The following RAPGEF1 variants were observed in gnomAD, a reference collection of about 807,000 sequenced individuals.
The protein encoded by RAPGEF1 is Rap guanine nucleotide exchange factor 1.
A neutral mutation model predicts 143.3 loss-of-function variants in RAPGEF1; 33 were observed. The observed-to-expected ratio is 0.23, with a 90% confidence interval of 0.17 to 0.31. The LOEUF is 0.31. Ranked by LOEUF, RAPGEF1 falls within the 10% of genes least tolerant of loss-of-function variation. The probability of loss-of-function intolerance (pLI) is 1.00; values close to 1 mark genes in which losing one functional copy is unlikely to be tolerated. For synonymous variants in RAPGEF1, 629 were observed against 676.5 expected (o/e 0.93, Z 1.09); for missense variants, 1,199 against 1,645.4 (o/e 0.73, Z 4.69).
At chr9:131,603,874 C>T (rs1293283827) in intron 14 of RAPGEF1, 87 bp downstream of exon 14, 7 of 761,134 alleles carry the variant, frequency 9.2e-6, no homozygotes, top group Non-Finnish European at 1.1e-5. Context: ...CCAACAGAAG[C>T]AGGTGCGGGG....
At chr9:131,731,239 C>G (rs754056667) in intron 1 of RAPGEF1, among the ~76,000 whole-genome samples, 1 of 152,088 alleles carries the variant, frequency 6.6e-6, no homozygotes, top group African/African-American at 2.4e-5. Flanking sequence ...TATACAGAAG[C>G]GAGCCTGGTA....
In RAPGEF1 at chr9:131,588,788, G is replaced by T. The variant is rs766498099; in HGVS notation, c.3053+13C>A. On this transcript the variant is annotated intron_variant, in intron 20 of 26. Transcript: ENST00000683357. ...CTGGGGAAGAGGCAGGGCTGGAGAG[G>T]TGGGCTTCTCACCTGGCTGCTACCC... The T allele has an allele frequency of 1.9e-6, 3 of 1,605,510 alleles. No individual in the cohort carries two copies. The African/African-American group carries it at 4.0e-5, about 21-fold the overall frequency.
chr9:131,669,970 A>T (rs1412200563), intron 1 of RAPGEF1, among the ~76,000 whole-genome samples: 1 of 152,198 alleles, frequency 6.6e-6, no homozygotes, highest in Non-Finnish European at 1.5e-5. Context: ...CACAGCAATG[A>T]CTAGGACCAC....
chr9:131,587,807 T>G lies in RAPGEF1; in HGVS notation c.3162A>C (p.Ala1054=), dbSNP rs371150383. ...KIEIPEVLLW[A]KEQNEEKSPN... is the part of the protein sequence containing the mutation. ...GGCTCTTCTCCTCATTCTGCTCTTTTGCCCAAAGCAAAACCTCAGGAATCT... is the reference window on the plus strand; with the variant it reads ...GGCTCTTCTCCTCATTCTGCTCTTTGGCCCAAAGCAAAACCTCAGGAATCT... Residue 1054 remains alanine, a synonymous_variant, in exon 22 of 27, where the codon GCA becomes GCC. Transcript: ENST00000683357. 54 of 1,613,716 alleles carry G rather than the reference T, an allele frequency of 3.3e-5. No individual in the cohort carries two copies. The highest frequency in any genetic ancestry group is 4.1e-5 in the Non-Finnish European group (48 of 1,179,822).
intron 1 of RAPGEF1, among the ~76,000 whole-genome samples, chr9:131,729,417 T>C (rs1368008790): frequency 6.6e-6 from 1 of 152,078 alleles, no homozygotes; most frequent in Non-Finnish European, 1.5e-5. Flanking sequence ...CTGTGAAAGG[T>C]TTCTCCAAAG....
intron 21 of RAPGEF1, 23 bp downstream of exon 21, chr9:131,587,919 C>T (rs1442205175): frequency 6.2e-7 from 1 of 1,604,834 alleles, no homozygotes; most frequent in Non-Finnish European, 8.5e-7. Context: ...AGTGTGGCTC[C>T]CCCTGGCAGG....
chr9:131,665,667 G>A (rs1830315432), intron 1 of RAPGEF1, among the ~76,000 whole-genome samples: 2 of 152,018 alleles, frequency 1.3e-5, no homozygotes, highest in South Asian at 4.1e-4. Context: ...CCCCACCTCT[G>A]AGAGTAAGCC....
intron 10 of RAPGEF1, among the ~76,000 whole-genome samples, chr9:131,625,332 A>C (rs1962633488): frequency 6.6e-6 from 1 of 152,194 alleles, no homozygotes; most frequent in African/African-American, 2.4e-5. Context: ...TTTATGACAG[A>C]TTTACCGTTG....
At chr9:131,596,254 G>A (rs749776508) in intron 17 of RAPGEF1, 44 bp downstream of exon 17, 16 of 1,593,426 alleles carry the variant, frequency 1.0e-5, no homozygotes, top group East Asian at 4.5e-5. Context: ...AGTGGCACCC[G>A]GGGCAGGACC....
rs1036768753 is a variant in RAPGEF1 at position 131,630,198 on chromosome 9, G to C, written c.740+38C>G. On this transcript the variant is annotated intron_variant, in intron 6 of 26. Coordinates refer to ENST00000683357, the MANE Select transcript of RAPGEF1 (RefSeq NM_001377935.1). The stretch of plus-strand genomic sequence containing the variant: ...TGTCAAGTGCAGACTTTGCCACTGA[G>C]CGTGACACCCGCGACACGAGGGTTA... The C allele has an allele frequency of 3.8e-6, 6 of 1,594,246 alleles. No homozygotes were observed. The African/African-American group carries it at 8.0e-5, about 21-fold the overall frequency.
At chr9:131,603,939 G>T in intron 14 of RAPGEF1, 22 bp downstream of exon 14, 2 of 1,293,014 alleles carry the variant, frequency 1.5e-6, no homozygotes, top group Non-Finnish European at 1.0e-6. Flanking sequence ...CCACATGCAG[G>T]AGGCCGCCCG....
At chr9:131,660,409 T>C (rs1032794236) in intron 1 of RAPGEF1, among the ~76,000 whole-genome samples, 3 of 151,282 alleles carry the variant, frequency 2.0e-5, no homozygotes, top group Non-Finnish European at 4.4e-5. Context: ...ACATTTCTCA[T>C]AATTCCACAC....
At chr9:131,730,193 C>CAAAAA (rs57402366) in intron 1 of RAPGEF1, among the ~76,000 whole-genome samples, 8 of 66,974 alleles carry the variant, frequency 1.2e-4, no homozygotes, top group East Asian at 4.8e-4. Flanking sequence ...GACTCCCTCT[C>CAAAAA]AAAAAAAAAA....
intron 1 of RAPGEF1, among the ~76,000 whole-genome samples, chr9:131,719,849 T>A (rs917076290): frequency 1.3e-5 from 2 of 151,852 alleles, no homozygotes; most frequent in African/African-American, 4.8e-5. Flanking sequence ...CATCTGACTA[T>A]TGCCCACACA....
chr9:131,669,280 CA>C (rs1314796784), intron 1 of RAPGEF1, among the ~76,000 whole-genome samples: 1 of 152,190 alleles, frequency 6.6e-6, no homozygotes, highest in African/African-American at 2.4e-5. Flanking sequence ...ATCTCCCAGA[CA>C]ACAGGGGAAG....
intron 1 of RAPGEF1, chr9:131,709,520 A>G: frequency 9.4e-7 from 1 of 1,060,402 alleles, no homozygotes; most frequent in Non-Finnish European, 1.4e-6. Context: ...CTGCTCTGGA[A>G]GGTGATTCCC....
Position 131,643,385 on chromosome 9 carries a change from T to C in RAPGEF1, c.348A>G (p.Glu116=), listed in dbSNP as rs749443716. ...TAAAGTAGCGCAGGGCACTGACAAC[T>C]TCCTTCTCTTTCTCCTCCAGCCAGC... ...NLSWLEEKEK[E]VVSALRYFKT... is the part of the protein sequence containing the mutation. The change falls in exon 4 of 27, where the codon GAA becomes GAG. Residue 116 remains glutamate (E), a synonymous_variant. Coordinates refer to ENST00000683357, the MANE Select transcript of RAPGEF1 (RefSeq NM_001377935.1). 3 of 1,613,702 alleles carry C rather than the reference T, an allele frequency of 1.9e-6. 1 individual carries two copies. The highest frequency in any genetic ancestry group is 2.5e-6 in the Non-Finnish European group (3 of 1,179,746).
intron 3 of RAPGEF1, among the ~76,000 whole-genome samples, chr9:131,644,215 G>C (rs894556002): frequency 2.6e-5 from 4 of 152,024 alleles, no homozygotes; most frequent in South Asian, 2.1e-4. Context: ...CCTGACCGTG[G>C]GAGGCCTTGG....
intron 1 of RAPGEF1, among the ~76,000 whole-genome samples, chr9:131,676,399 C>T (rs1832363158): frequency 6.6e-6 from 1 of 152,230 alleles, no homozygotes; most frequent in African/African-American, 2.4e-5. Context: ...CAGCTGAGCC[C>T]CAAGCACCCC....
Sources: allele counts gnomAD v4.1 joint callset (sites outside exome capture counted in the v4.1 genomes callset), GRCh38; gene constraint gnomAD v4.1.1; transcripts MANE v1.5; gene names NCBI Gene and HGNC (gene_info 2026-07-23, HGNC 2026-07-21).